Variants in MLXIP observed in about 807,000 individuals in gnomAD.
MLXIP encodes MLX-interacting protein.
A neutral mutation model predicts 87.2 loss-of-function variants in MLXIP; 30 were observed. The ratio of observed to expected loss-of-function variants is 0.34; its 90% CI spans 0.26 to 0.47. MLXIP has a LOEUF of 0.47. Among genes scored for constraint, MLXIP ranks in the 20% least tolerant of loss-of-function variants. The pLI is 1.00. For synonymous variants in MLXIP, 530 were observed against 514.0 expected, an observed-to-expected ratio of 1.03 and a Z score of -0.42; for missense variants, 1,002 against 1,240.1, an observed-to-expected ratio of 0.81 and a Z score of 2.88.
chr12:122,091,445 C>T (rs1442569882), intron 1 of MLXIP, among the ~76,000 whole-genome samples: 1 of 152,150 alleles, frequency 6.6e-6, no homozygotes, highest in African/African-American at 2.4e-5. Context: ...GGCCTGTAGT[C>T]CCAGCACTTT....
chr12:122,090,014 G>T (rs982450040), intron 1 of MLXIP, among the ~76,000 whole-genome samples: 2 of 152,188 alleles, frequency 1.3e-5, no homozygotes, highest in African/African-American at 4.8e-5. Flanking sequence ...GTGCCCATGA[G>T]GGTGGAGGAT....
rs1247443561 is a variant in MLXIP, at chr12:122,137,283, ATTAAT to A, written c.2033-181_2033-177del. The A allele has an allele frequency of 1.1e-5, 6 of 561,092 alleles. No individual in the cohort carries two copies. The highest frequency in any genetic ancestry group is 3.3e-5 in the South Asian group (1 of 29,952). The allele number at this position is 561,092 out of a possible 1,614,324, so 34.8% of individuals were successfully genotyped here. On this transcript the variant is annotated intron_variant, in intron 11 of 16. Coordinates refer to ENST00000319080, the MANE Select transcript of MLXIP (RefSeq NM_014938.6). The surrounding 1 kb of genome is among the most constrained non-coding windows in gnomAD (Gnocchi z 4.1). ...GATTAAGGGTGTTTTTGTTGTTGTT[ATTAAT>A]TTAAGATTTTCAGGGAGTGAATAAG... is the stretch of plus-strand genomic sequence containing the variant.
At position 122,084,830 on chromosome 12, in the gene MLXIP, G is replaced by A. The variant is rs752643462; in HGVS notation, c.413+5564G>A. Among the ~76,000 whole-genome samples, 25 of 152,214 alleles carry A rather than the reference G, an allele frequency of 1.6e-4. 1 individual carries two copies. Among genetic ancestry groups the A allele is most frequent in the Non-Finnish European group, 7.3e-5 (5 of 68,034 alleles). On this transcript the variant is annotated intron_variant, in intron 1 of 16. Transcript: ENST00000319080. ...CCCAAAGTGCTGAGGTTACAGGCGT[G>A]AGCCACTGTGCCCGGCCTCTTAACG...
intron 12 of MLXIP, 104 bp from the exon 13 acceptor site, chr12:122,138,090 C>T (rs74527410): frequency 0.028 from 27,220 of 976,720 alleles, 776 homozygotes; most frequent in Non-Finnish European, 0.027. Context: ...ACGTAGCTCT[C>T]TAGCCCTGGC....
intron 15 of MLXIP, among the ~76,000 whole-genome samples, chr12:122,140,263 G>A (rs557191136): frequency 2.0e-5 from 3 of 152,230 alleles, no homozygotes; most frequent in South Asian, 2.1e-4. Flanking sequence ...GAAGGCAAAC[G>A]CCACTTTCAG....
At chr12:122,095,843 A>T (rs1952343165) in intron 1 of MLXIP, among the ~76,000 whole-genome samples, 3 of 151,410 alleles carry the variant, frequency 2.0e-5, no homozygotes, top group Admixed American at 6.6e-5. Flanking sequence ...GTGAGTATAT[A>T]TATATTTTCC....
rs1257885597 is a variant in MLXIP, at chr12:122,093,927, TGTGGTG to T, written c.413+14665_413+14670del. On this transcript the variant is annotated intron_variant, in intron 1 of 16. Coordinates refer to ENST00000319080, the MANE Select transcript of MLXIP (RefSeq NM_014938.6). ...GTGTGTGTGTGTTTGCGGTGTCTGGTGTGGTGGTGTGTGGGGTGTGTTGGTGTGTGT... is the reference window on the plus strand; with the variant it reads ...GTGTGTGTGTGTTTGCGGTGTCTGGTGTGTGTGGGGTGTGTTGGTGTGTGT... 2.5e-4 allele frequency among the ~76,000 whole-genome samples: 31 copies of T among 122,724 alleles called. 1 individual carries two copies. Among genetic ancestry groups the T allele is most frequent in the East Asian group, 2.4e-3 (9 of 3,700 alleles). 80.5% of individuals were successfully genotyped at this position (122,724 alleles called of 152,430 possible).
chr12:122,136,016 C>T (rs1953084715), intron 11 of MLXIP: 1 of 226,922 alleles, frequency 4.4e-6, no homozygotes, highest in African/African-American at 2.3e-5. Context: ...GGAGCATCAG[C>T]CTGGGGTTGC....
At chr12:122,113,681 C>CTTTTTTTTTTTTTTTTTT (rs1173711241) in intron 1 of MLXIP, among the ~76,000 whole-genome samples, 1 of 100,702 alleles carries the variant, frequency 9.9e-6, no homozygotes, top group Non-Finnish European at 1.8e-5. Flanking sequence ...GCCTTCATTT[C>CTTTTTTTTTTTTTTTTTT]TTTTTTTTTT....
In MLXIP at chr12:122,133,140, T is replaced by G; in HGVS notation, c.1093-208T>G. 2 of 494,304 alleles carry G rather than the reference T, an allele frequency of 4.0e-6. No individual in the cohort carries two copies. Among genetic ancestry groups the G allele is most frequent in the Non-Finnish European group, 6.9e-6 (2 of 291,120 alleles). The allele number at this position is 494,304 out of a possible 1,614,324, so 30.6% of individuals were successfully genotyped here. A position where few individuals can be genotyped will look rare whatever the true frequency, so the allele number is the denominator to read the frequency against. On this transcript the variant is annotated intron_variant, in intron 8 of 16. Coordinates refer to ENST00000319080, the MANE Select transcript of MLXIP (RefSeq NM_014938.6). This position sits in a 1 kb window ranked among gnomAD's most constrained non-coding sequence, Gnocchi z 4.9. Reference sequence around the variant, plus strand: ...GCCGTTGCCTTATCTGAGCTCTGAGTTATTTAGTTTTTAATGGAAACAAGA... The same window carrying G: ...GCCGTTGCCTTATCTGAGCTCTGAGGTATTTAGTTTTTAATGGAAACAAGA...
At position 122,122,564 on chromosome 12, in the gene MLXIP, C is replaced by T. The variant is rs189172941; in HGVS notation, c.414-4692C>T. On this transcript the variant is annotated intron_variant, in intron 1 of 16. Transcript: ENST00000319080. ...TTTTCTTTTTCTTTTTTTTTTGAGA[C>T]AGAGTCTTGCTCTGTCGTCCGGGCT... 7.3e-5 allele frequency among the ~76,000 whole-genome samples: 11 copies of T among 151,606 alleles called. No homozygotes were observed. In the East Asian group the frequency reaches 1.7e-3, roughly 24 times the overall value.
Position 122,141,864 on chromosome 12 carries a change from C to T in MLXIP, c.*52C>T. 1 of 1,603,474 alleles carries T rather than the reference C, an allele frequency of 6.2e-7. No homozygotes were observed. ...AGATGCCAGGAGACCCTTCCCTGCC[C>T]ATGGAGAGTAGGCTGCGCCCCCCAG... On this transcript the variant is annotated 3_prime_UTR_variant, in exon 17 of 17. Transcript: ENST00000319080.
chr12:122,129,108 C>G lies in MLXIP; in HGVS notation c.607-29C>G, dbSNP rs753881648. 4.5e-6 allele frequency: 7 copies of G among 1,565,004 alleles called. No individual in the cohort carries two copies. In the East Asian group the frequency reaches 9.2e-5, roughly 21 times the overall value. Reference sequence around the variant, plus strand: ...CTTTGCTAATCAAGCAGAGCCCCCTCTTCACTCTGCTCTCTGTCCCTGTCC... The same window carrying G: ...CTTTGCTAATCAAGCAGAGCCCCCTGTTCACTCTGCTCTCTGTCCCTGTCC... On this transcript the variant is annotated intron_variant, in intron 3 of 16. Coordinates refer to ENST00000319080, the MANE Select transcript of MLXIP (RefSeq NM_014938.6).
intron 1 of MLXIP, among the ~76,000 whole-genome samples, chr12:122,092,298 C>T (rs1479512651): frequency 6.6e-6 from 1 of 152,080 alleles, no homozygotes; most frequent in Non-Finnish European, 1.5e-5. Context: ...AGGGTTTTGC[C>T]ATGTTGCTCA....
chr12:122,102,628 A>G (rs757927227), intron 1 of MLXIP, among the ~76,000 whole-genome samples: 22 of 152,264 alleles, frequency 1.4e-4, no homozygotes, highest in African/African-American at 3.9e-4. Flanking sequence ...AGAAGTATTA[A>G]TCATAACAGC....
At chr12:122,120,931 T>C (rs909587404) in intron 1 of MLXIP, among the ~76,000 whole-genome samples, 17 of 151,112 alleles carry the variant, frequency 1.1e-4, no homozygotes, top group Non-Finnish European at 2.2e-4. Context: ...CAAACAAATA[T>C]GGTTGAATGA....
At chr12:122,131,021 G>A in intron 7 of MLXIP, 88 bp downstream of exon 7, 1 of 882,634 alleles carries the variant, frequency 1.1e-6, no homozygotes, top group Non-Finnish European at 1.9e-6. Context: ...TAAGAGGCGA[G>A]ACTTGGTAGA....
intron 1 of MLXIP, among the ~76,000 whole-genome samples, chr12:122,091,905 C>G (rs1235317596): frequency 6.6e-6 from 1 of 152,116 alleles, no homozygotes; most frequent in African/African-American, 2.4e-5. Context: ...TGGAGGAAAT[C>G]TGGATTTAAG....
Position 122,142,758 on chromosome 12 carries a change from A to G in MLXIP, c.*946A>G, listed in dbSNP as rs1047471833. On this transcript the variant is annotated 3_prime_UTR_variant, in exon 17 of 17. Coordinates refer to ENST00000319080, the MANE Select transcript of MLXIP (RefSeq NM_014938.6). ...CTTGTCATCTTGTCTGATGTCTTTC[A>G]GCTGGGAGCCCCAAACCAGGACAGT... 4 of 171,656 alleles carry G rather than the reference A, an allele frequency of 2.3e-5. No homozygotes were observed. The highest frequency in any genetic ancestry group is 5.0e-5 in the Non-Finnish European group (4 of 79,516). The allele number at this position is 171,656 out of a possible 1,614,324, so 10.6% of individuals were successfully genotyped here. A position where few individuals can be genotyped will look rare whatever the true frequency, so the allele number is the denominator to read the frequency against.
Sources: allele counts gnomAD v4.1 joint callset (sites outside exome capture counted in the v4.1 genomes callset), GRCh38; gene constraint gnomAD v4.1.1; non-coding constraint Gnocchi (gnomAD v3.1); transcripts MANE v1.5; gene names NCBI Gene and HGNC (gene_info 2026-07-23, HGNC 2026-07-21).